DNAJC1: variants seen among roughly 807,000 people sequenced by gnomAD.
The protein encoded by DNAJC1 is dnaJ homolog subfamily C member 1.
A neutral mutation model predicts 76.6 loss-of-function variants in DNAJC1; 58 were observed. The ratio of observed to expected loss-of-function variants is 0.76; its 90% CI spans 0.61 to 0.94. The LOEUF (loss-of-function observed/expected upper bound fraction) is 0.94, where lower values mean the gene tolerates loss of function less well. DNAJC1 is among the 40% of genes least tolerant of loss of function. DNAJC1 has a pLI of 0.00. For missense variants in DNAJC1, 689 were observed against 677.3 expected (o/e 1.02, Z -0.19); for synonymous variants, 258 against 267.9 (o/e 0.96, Z 0.36).
At chr10:21,858,271 T>C (rs1490340409) in intron 8 of DNAJC1, among the ~76,000 whole-genome samples, 11 of 152,124 alleles carry the variant, frequency 7.2e-5, no homozygotes, top group Non-Finnish European at 8.8e-5. Context: ...TCTGAGAAAG[T>C]AAATTTTTAT....
intron 8 of DNAJC1, among the ~76,000 whole-genome samples, chr10:21,829,440 T>C (rs973169053): frequency 6.6e-6 from 1 of 152,198 alleles, no homozygotes; most frequent in African/African-American, 2.4e-5. Flanking sequence ...ATGGTCTTGA[T>C]TTCCTGACCT....
intron 10 of DNAJC1, among the ~76,000 whole-genome samples, chr10:21,761,831 G>A (rs1212011204): frequency 6.6e-6 from 1 of 152,122 alleles, no homozygotes; most frequent in Non-Finnish European, 1.5e-5. Context: ...ACTAACAAGT[G>A]GCATTTCATA....
chr10:21,959,263 T>C (rs1036729312), intron 1 of DNAJC1, among the ~76,000 whole-genome samples: 1 of 151,896 alleles, frequency 6.6e-6, no homozygotes, highest in African/African-American at 2.4e-5. Flanking sequence ...TAGCTGGGAT[T>C]ACAGGTGTCT....
At chr10:21,903,271 C>G (rs555874491) in intron 7 of DNAJC1, among the ~76,000 whole-genome samples, 1 of 152,120 alleles carries the variant, frequency 6.6e-6, no homozygotes, top group Non-Finnish European at 1.5e-5. Context: ...TGTGATTAGT[C>G]TGAAAAGGCT....
At chr10:21,856,299 TA>T (rs1564809163) in intron 8 of DNAJC1, among the ~76,000 whole-genome samples, 1 of 152,178 alleles carries the variant, frequency 6.6e-6, no homozygotes, top group Non-Finnish European at 1.5e-5. Flanking sequence ...TAAACATAAT[TA>T]AATTATACAA....
At position 21,923,902 on chromosome 10, in the gene DNAJC1, A is replaced by G. The variant is rs140967575; in HGVS notation, c.372-2939T>C. ...TTAAAACGTTACAATTTTTTGAAATATAAAATAGTAATTATGAAACTAAAA... is the reference window on the plus strand; with the variant it reads ...TTAAAACGTTACAATTTTTTGAAATGTAAAATAGTAATTATGAAACTAAAA... On this transcript the variant is annotated intron_variant, in intron 3 of 11. Coordinates refer to ENST00000376980, the MANE Select transcript of DNAJC1 (RefSeq NM_022365.4). Among the ~76,000 whole-genome samples the G allele has an allele frequency of 1.1e-3, 167 of 152,132 alleles. 2 individuals are homozygous for G. The East Asian group carries it at 0.026, about 24-fold the overall frequency.
rs538945812 is a variant in DNAJC1, at chr10:21,832,988, T to C, written c.979-26889A>G. On this transcript the variant is annotated intron_variant, in intron 8 of 11. Coordinates refer to ENST00000376980, the MANE Select transcript of DNAJC1 (RefSeq NM_022365.4). ...CAAGAGTGATTTATTCCTTAGTTTCTGGAATGTTTTCCCCACCCCACTTCT... is the reference window on the plus strand; with the variant it reads ...CAAGAGTGATTTATTCCTTAGTTTCCGGAATGTTTTCCCCACCCCACTTCT... Among the ~76,000 whole-genome samples, 11 of 152,358 alleles carry C rather than the reference T, an allele frequency of 7.2e-5. No individual in the cohort carries two copies. The Middle Eastern group carries it at 0.024, about 330-fold the overall frequency.
chr10:21,797,993 C>G (rs199717774), intron 9 of DNAJC1, among the ~76,000 whole-genome samples: 1 of 152,104 alleles, frequency 6.6e-6, no homozygotes, highest in East Asian at 1.9e-4. Flanking sequence ...TTTAAAAAGT[C>G]GCTTTTAAAA....
chr10:21,912,097 G>A (rs1836872785), intron 6 of DNAJC1, among the ~76,000 whole-genome samples: 1 of 152,146 alleles, frequency 6.6e-6, no homozygotes, highest in Non-Finnish European at 1.5e-5. Flanking sequence ...CTGACAGGGA[G>A]TTTAAGATTA....
At chr10:21,811,812 A>G (rs762377376) in intron 8 of DNAJC1, among the ~76,000 whole-genome samples, 5 of 152,168 alleles carry the variant, frequency 3.3e-5, no homozygotes, top group Non-Finnish European at 7.3e-5. Flanking sequence ...AATTTCTCAC[A>G]TATAAATACA....
In DNAJC1 at chr10:21,882,318, A is replaced by G. The variant is rs765034934; in HGVS notation, c.942T>C (p.Asp314=). The G allele has an allele frequency of 1.3e-5, 21 of 1,600,382 alleles. No individual in the cohort carries two copies. The highest frequency in any genetic ancestry group is 2.7e-5 in the African/African-American group (2 of 73,918). The stretch of plus-strand genomic sequence containing the variant: ...GTGTTCGGTTCCTGTTTTCCAACCA[A>G]TCATCCATTTGTTCCTCAATTTCTT... The part of the protein sequence containing the change: ...SIEEIEEQMD[D]WLENRNRTQK... The change falls in exon 8 of 12, where the codon GAT becomes GAC. Residue 314 remains aspartate (D), a synonymous_variant. Coordinates refer to ENST00000376980, the MANE Select transcript of DNAJC1 (RefSeq NM_022365.4).
intron 8 of DNAJC1, among the ~76,000 whole-genome samples, chr10:21,863,535 T>G (rs1044319477): frequency 1.3e-4 from 20 of 151,770 alleles, no homozygotes; most frequent in Non-Finnish European, 1.5e-4. Context: ...ATAAAAAAAA[T>G]AGACAAAAAT....
At chr10:21,932,622 A>G (rs1357990977) in intron 1 of DNAJC1, among the ~76,000 whole-genome samples, 3 of 152,208 alleles carry the variant, frequency 2.0e-5, no homozygotes, top group Non-Finnish European at 4.4e-5. Context: ...TCCTGGTGCC[A>G]GAGAGATCAG....
At chr10:21,959,365 T>A (rs568536258) in intron 1 of DNAJC1, among the ~76,000 whole-genome samples, 1 of 152,016 alleles carries the variant, frequency 6.6e-6, no homozygotes, top group East Asian at 2.0e-4. Flanking sequence ...TGACCTCAAG[T>A]GATCTGCCTG....
intron 8 of DNAJC1, among the ~76,000 whole-genome samples, chr10:21,824,268 C>A (rs1010269536): frequency 6.6e-6 from 1 of 152,160 alleles, no homozygotes; most frequent in Non-Finnish European, 1.5e-5. Flanking sequence ...TGTCATACCC[C>A]ACACCAAAAA....
intron 6 of DNAJC1, 55 bp downstream of exon 6, chr10:21,918,724 T>A (rs1238801832): frequency 7.5e-7 from 1 of 1,339,846 alleles, no homozygotes; most frequent in African/African-American, 1.5e-5. Flanking sequence ...ATAAATTATT[T>A]CATGAGTGAT....
At chr10:21,970,153 T>A (rs561759263) in intron 1 of DNAJC1, among the ~76,000 whole-genome samples, 4 of 152,274 alleles carry the variant, frequency 2.6e-5, no homozygotes, top group African/African-American at 9.6e-5. Flanking sequence ...AAAAAATTAT[T>A]ACAAACACAA....
chr10:21,846,627 C>A (rs1835663780), intron 8 of DNAJC1, among the ~76,000 whole-genome samples: 1 of 151,912 alleles, frequency 6.6e-6, no homozygotes, highest in African/African-American at 2.4e-5. Flanking sequence ...GGTATAAAAG[C>A]AAATTAAATA....
intron 7 of DNAJC1, among the ~76,000 whole-genome samples, chr10:21,883,818 A>T (rs1836323082): frequency 1.3e-5 from 2 of 152,216 alleles, no homozygotes; most frequent in Admixed American, 6.5e-5. Context: ...AATTCAAAGT[A>T]CAGTATTGTT....
Sources: allele counts gnomAD v4.1 joint callset (sites outside exome capture counted in the v4.1 genomes callset), GRCh38; gene constraint gnomAD v4.1.1; transcripts MANE v1.5; gene names NCBI Gene and HGNC (gene_info 2026-07-23, HGNC 2026-07-21).